MITD1: variants seen among roughly 807,000 people sequenced by gnomAD.
MITD1 encodes the protein MIT domain-containing protein 1.
A neutral mutation model predicts 34.9 loss-of-function variants in MITD1; 24 were observed. The observed-to-expected ratio is 0.69, with a 90% CI of 0.50 to 0.97. The LOEUF (loss-of-function observed/expected upper bound fraction) is 0.97, where lower values mean the gene tolerates loss of function less well. Among genes scored for constraint, MITD1 ranks in the 50% least tolerant of loss-of-function variants. The pLI, the probability that MITD1 is intolerant of heterozygous loss-of-function variation, is 0.00. For synonymous variants in MITD1, 102 were observed against 101.4 expected (o/e 1.01, Z -0.04); for missense variants, 266 against 294.6 (o/e 0.90, Z 0.71).
chr2:99,166,160 A>G (rs557241748), downstream of MITD1, among the ~76,000 whole-genome samples: 2 of 152,082 alleles, frequency 1.3e-5, no homozygotes, highest in African/African-American at 4.8e-5. Flanking sequence ...ACACTTAACC[A>G]TGTAATCACT....
intron 2 of MITD1, chr2:99,173,589 T>C (rs1346330621): frequency 4.2e-6 from 2 of 471,422 alleles, no homozygotes; most frequent in African/African-American, 2.0e-5. Context: ...TTTCTTAACA[T>C]AGGGTCCACA....
At chr2:99,163,000 T>A in intron 7 of MITD1, 2 of 1,610,900 alleles carry the variant, frequency 1.2e-6, no homozygotes, top group Non-Finnish European at 1.7e-6. Flanking sequence ...ACAAATATAT[T>A]ACTTAGAACA....
intron 1 of MITD1, 53 bp from the exon 2 acceptor site, chr2:99,174,069 A>G (rs2093873531): frequency 1.0e-6 from 1 of 962,304 alleles, no homozygotes; most frequent in Non-Finnish European, 1.5e-6. Context: ...TTTCTATTTA[A>G]TTTGGGCATT....
chr2:99,167,874 A>T (rs1021825897), downstream of MITD1, among the ~76,000 whole-genome samples: 1 of 152,142 alleles, frequency 6.6e-6, no homozygotes, highest in Non-Finnish European at 1.5e-5. Context: ...AAAAATCAGG[A>T]ACTGTTCTGG....
Position 99,180,915 on chromosome 2 carries a change from C to G in MITD1, c.67G>C (p.Val23Leu). The change falls in exon 1 of 7, where the codon GTA (valine) becomes CTA (leucine). Residue 23 changes from valine to leucine, a missense_variant. Physicochemically the swap from Val to Leu is conservative, Grantham distance 32. Transcript: ENST00000289359. ...TAAATVLKRA[V>L]ELDSESRYPQ... ...TACCGCGACTCCGAATCTAGTTCTA[C>G]TGCCCGCTTTAGCACAGTGGCTGCA... is the stretch of plus-strand genomic sequence containing the variant. 6.2e-7 allele frequency: 1 copy of G among 1,614,224 alleles called. No homozygotes were observed. Among genetic ancestry groups the G allele is most frequent in the Non-Finnish European group, 8.5e-7 (1 of 1,180,042 alleles).
downstream of MITD1, among the ~76,000 whole-genome samples, chr2:99,164,779 T>C (rs1044513988): frequency 1.3e-5 from 2 of 152,152 alleles, no homozygotes; most frequent in Non-Finnish European, 2.9e-5. Context: ...TTACCACCTA[T>C]GAAAATTATT....
At position 99,169,575 on chromosome 2, in the gene MITD1, C is replaced by A; in HGVS notation, c.629G>T (p.Gly210Val). The A allele has an allele frequency of 6.2e-7, 1 of 1,609,044 alleles. No individual in the cohort carries two copies. Among genetic ancestry groups the A allele is most frequent in the Non-Finnish European group, 8.5e-7 (1 of 1,175,590 alleles). Reference sequence around the variant, plus strand: ...CTGTGGTTTCTTAAAATAATCAAGTCCCCTTCCAATCTTAATCATCCATCC... The same window carrying A: ...CTGTGGTTTCTTAAAATAATCAAGTACCCTTCCAATCTTAATCATCCATCC... The part of the protein sequence containing the change: ...NNGWMIKIGR[G>V]LDYFKKPQSR... Residue 210 changes from glycine to valine, a missense_variant, in exon 6 of 7, where the codon GGA becomes GTA. Transcript: ENST00000289359.
At chr2:99,175,761 A>G (rs1241367572) in intron 1 of MITD1, among the ~76,000 whole-genome samples, 1 of 152,112 alleles carries the variant, frequency 6.6e-6, no homozygotes, top group Admixed American at 6.5e-5. Context: ...TATTTATTCA[A>G]TTAAATAGTA....
intron 7 of MITD1, chr2:99,162,340 A>C: frequency 1.2e-6 from 2 of 1,613,714 alleles, no homozygotes; most frequent in Non-Finnish European, 1.7e-6. Flanking sequence ...GATAGAATGG[A>C]AAATCTGAAA....
chr2:99,174,309 G>A (rs1023798975), intron 1 of MITD1, among the ~76,000 whole-genome samples: 26 of 152,130 alleles, frequency 1.7e-4, no homozygotes, highest in African/African-American at 6.0e-4. Context: ...TCAAACTCAT[G>A]TCTGAGCACT....
At chr2:99,164,711 T>C (rs1417570831), downstream of MITD1, among the ~76,000 whole-genome samples, 13 of 152,092 alleles carry the variant, frequency 8.5e-5, no homozygotes, top group Non-Finnish European at 1.9e-4. Flanking sequence ...TTAAAAGCAA[T>C]ATTAAATACC....
intron 1 of MITD1, among the ~76,000 whole-genome samples, chr2:99,176,211 C>T (rs536579234): frequency 2.0e-5 from 3 of 152,298 alleles, no homozygotes; most frequent in East Asian, 3.9e-4. Flanking sequence ...CTTGGCCTTC[C>T]GAAGTGCTGG....
intron 1 of MITD1, among the ~76,000 whole-genome samples, chr2:99,180,042 A>G (rs1022661494): frequency 2.6e-5 from 4 of 152,308 alleles, no homozygotes; most frequent in Non-Finnish European, 5.9e-5. Flanking sequence ...AATTTAATAC[A>G]TAAATATTGA....
At chr2:99,173,540 A>T (rs2105220901) in intron 2 of MITD1, 1 of 466,164 alleles carries the variant, frequency 2.1e-6, no homozygotes, top group Non-Finnish European at 4.4e-6. Context: ...GGGAAATATA[A>T]ATAAAATACA....
intron 4 of MITD1, 101 bp downstream of exon 4, chr2:99,171,242 C>T: frequency 1.2e-6 from 1 of 840,956 alleles, no homozygotes; most frequent in Non-Finnish European, 1.9e-6. Flanking sequence ...CCCAAGGAAA[C>T]AAATCTAGCT....
At chr2:99,172,383 T>C (rs1295235821) in intron 2 of MITD1, 2 of 146,448 alleles carry the variant, frequency 1.4e-5, no homozygotes, top group Admixed American at 1.4e-4. Context: ...AGACTCTGCC[T>C]TAAAAAAAAA....
At chr2:99,175,399 G>A (rs1424427987) in intron 1 of MITD1, among the ~76,000 whole-genome samples, 1 of 152,172 alleles carries the variant, frequency 6.6e-6, no homozygotes, top group African/African-American at 2.4e-5. Context: ...TTTGCAGAAT[G>A]TCTCTCATTT....
downstream of MITD1, among the ~76,000 whole-genome samples, chr2:99,165,057 C>T (rs867187238): frequency 8.9e-5 from 11 of 122,914 alleles, no homozygotes; most frequent in Middle Eastern, 4.4e-3. Flanking sequence ...CACACACACA[C>T]ACACATATAT....
intron 7 of MITD1, chr2:99,162,468 C>T (rs762616244): frequency 1.5e-5 from 24 of 1,613,892 alleles, no homozygotes; most frequent in Admixed American, 8.3e-5. Context: ...TAAGATCGGC[C>T]GGACTACTGC....
Sources: allele counts gnomAD v4.1 joint callset (sites outside exome capture counted in the v4.1 genomes callset), GRCh38; gene constraint gnomAD v4.1.1; transcripts MANE v1.5; gene names NCBI Gene and HGNC (gene_info 2026-07-23, HGNC 2026-07-21).